Variants in ANO6 observed in about 807,000 individuals in gnomAD.
ANO6 encodes the protein anoctamin 6, also known as anoctamin-6.
ANO6 carries 106 observed loss-of-function variants against 117.5 expected under a neutral mutation model. That is an observed-to-expected ratio of 0.90 (90% confidence interval 0.77 to 1.06). The LOEUF is 1.06. ANO6 is among the 50% of genes least tolerant of loss of function. The pLI is 0.00. For synonymous variants in ANO6, 367 were observed against 385.1 expected (o/e 0.95, Z 0.55); for missense variants, 955 against 1,121.1 (o/e 0.85, Z 2.12).
At chr12:45,408,126 A>G (rs1277191475) in intron 15 of ANO6, among the ~76,000 whole-genome samples, 1 of 152,210 alleles carries the variant, frequency 6.6e-6, no homozygotes, top group Non-Finnish European at 1.5e-5. Flanking sequence ...CTGGGTGTGC[A>G]CGTGTGCACA....
intron 1 of ANO6, among the ~76,000 whole-genome samples, chr12:45,264,279 G>C (rs1938143430): frequency 6.6e-6 from 1 of 152,192 alleles, no homozygotes; most frequent in South Asian, 2.1e-4. Context: ...TTGAATACAT[G>C]TATGTCTTGG....
intron 2 of ANO6, among the ~76,000 whole-genome samples, chr12:45,320,011 A>C (rs1940200815): frequency 1.3e-5 from 2 of 151,580 alleles, no homozygotes; most frequent in Non-Finnish European, 1.5e-5. Context: ...TCTCTCTTTT[A>C]TTCCTTATTA....
At chr12:45,342,740 T>C (rs1941015919) in intron 3 of ANO6, among the ~76,000 whole-genome samples, 1 of 152,212 alleles carries the variant, frequency 6.6e-6, no homozygotes, top group Non-Finnish European at 1.5e-5. Flanking sequence ...AGGCTTGTTT[T>C]AAGTGTTAAT....
intron 1 of ANO6, among the ~76,000 whole-genome samples, chr12:45,259,119 T>A (rs1241264805): frequency 6.6e-6 from 1 of 152,148 alleles, no homozygotes; most frequent in African/African-American, 2.4e-5. Flanking sequence ...GGACAAGTGT[T>A]ACAGGCAGAA....
chr12:45,385,932 A>G (rs770375925), intron 10 of ANO6, among the ~76,000 whole-genome samples: 39 of 152,272 alleles, frequency 2.6e-4, no homozygotes, highest in Middle Eastern at 3.4e-3. Context: ...CTTGCTCCTT[A>G]CAGGTGCATC....
intron 2 of ANO6, among the ~76,000 whole-genome samples, chr12:45,315,528 C>T (rs529889903): frequency 9.6e-4 from 146 of 152,156 alleles, no homozygotes; most frequent in African/African-American, 3.5e-3. Flanking sequence ...CACCCAAGCA[C>T]TTCCTATCCG....
chr12:45,270,263 G>T (rs936032986), intron 1 of ANO6, among the ~76,000 whole-genome samples: 1 of 152,224 alleles, frequency 6.6e-6, no homozygotes, highest in Non-Finnish European at 1.5e-5. Flanking sequence ...TGCACAGCAA[G>T]AGTTAAGGTT....
At chr12:45,292,306 G>A (rs943875612) in intron 1 of ANO6, among the ~76,000 whole-genome samples, 8 of 152,144 alleles carry the variant, frequency 5.3e-5, no homozygotes, top group Non-Finnish European at 8.8e-5. Context: ...ACTAGGGACT[G>A]GGGAAAAGGG....
At chr12:45,263,184 G>A (rs12297932) in intron 1 of ANO6, among the ~76,000 whole-genome samples, 7,267 of 151,866 alleles carry the variant, frequency 0.048, 565 homozygotes, top group African/African-American at 0.16. Flanking sequence ...ACTGGGGCAC[G>A]CATTCTAACA....
chr12:45,272,623 A>G (rs191445951), intron 1 of ANO6, among the ~76,000 whole-genome samples: 2 of 152,190 alleles, frequency 1.3e-5, no homozygotes, highest in African/African-American at 4.8e-5. Context: ...CTTCCCTTAG[A>G]GTTCTTAATA....
Position 45,216,497 on chromosome 12 carries a change from A to G in ANO6, c.70+106A>G. On this transcript the variant is annotated intron_variant, in intron 1 of 19. Transcript: ENST00000320560. ...TGCTCTCCGCGGGGGAGGTTGGCCG[A>G]GACGCTCGGCCGCTCCGGGCAGGGG... The G allele has an allele frequency of 3.0e-6, 4 of 1,323,722 alleles. 1 individual carries two copies. The South Asian group carries it at 5.2e-5, about 17-fold the overall frequency. 82.0% of individuals were successfully genotyped at this position (1,323,722 alleles called of 1,614,324 possible). A position where few individuals can be genotyped will look rare whatever the true frequency, so the allele number is the denominator to read the frequency against.
chr12:45,412,380 C>T (rs1592036324), intron 16 of ANO6, among the ~76,000 whole-genome samples: 1 of 152,280 alleles, frequency 6.6e-6, no homozygotes, highest in Middle Eastern at 3.4e-3. Context: ...GTACCTTGAT[C>T]TCACTTTCAT....
intron 7 of ANO6, among the ~76,000 whole-genome samples, chr12:45,355,726 C>G (rs1414148048): frequency 6.6e-6 from 1 of 152,164 alleles, no homozygotes; most frequent in Non-Finnish European, 1.5e-5. Flanking sequence ...TGTCTCAGCT[C>G]TTCCTTTTTT....
chr12:45,424,856 T>C (rs1943461325), intron 19 of ANO6, among the ~76,000 whole-genome samples: 1 of 152,046 alleles, frequency 6.6e-6, no homozygotes. Flanking sequence ...GTGTGTATCT[T>C]CTCTGGAGAA....
intron 1 of ANO6, among the ~76,000 whole-genome samples, chr12:45,269,770 GC>G (rs1357667419): frequency 7.2e-5 from 11 of 152,212 alleles, no homozygotes; most frequent in African/African-American, 2.7e-4. Flanking sequence ...GATGCACACA[GC>G]CATGTGTGGT....
intron 3 of ANO6, among the ~76,000 whole-genome samples, chr12:45,342,506 C>G (rs1941007003): frequency 6.6e-6 from 1 of 152,076 alleles, no homozygotes; most frequent in African/African-American, 2.4e-5. Context: ...TGTTGGTGTA[C>G]TTCAGAATTA....
chr12:45,414,659 CATTTT>C (rs1049674571), intron 16 of ANO6, among the ~76,000 whole-genome samples: 1 of 152,182 alleles, frequency 6.6e-6, no homozygotes, highest in African/African-American at 2.4e-5. Flanking sequence ...AGAGCTATCC[CATTTT>C]ATTTTTTCAC....
At chr12:45,436,807 A>T (rs1424994931), downstream of ANO6, among the ~76,000 whole-genome samples, 1 of 152,156 alleles carries the variant, frequency 6.6e-6, no homozygotes, top group Non-Finnish European at 1.5e-5. Flanking sequence ...ATTTCTACTA[A>T]AAATACAAAA....
chr12:45,308,181 G>A (rs1004789853), intron 2 of ANO6, among the ~76,000 whole-genome samples: 2 of 150,548 alleles, frequency 1.3e-5, no homozygotes, highest in African/African-American at 2.4e-5. Flanking sequence ...GAGCAGTTCA[G>A]TAGGGAGAGA....
Sources: gnomAD v4.1 joint callset for allele counts (sites outside exome capture counted in the v4.1 genomes callset) on GRCh38, gnomAD v4.1.1 for gene constraint, MANE v1.5 for transcripts, NCBI Gene and HGNC (gene_info 2026-07-23, HGNC 2026-07-21) for gene names.